The following C1orf21 variants were observed in gnomAD, a reference collection of about 807,000 sequenced individuals.
C1orf21 encodes chromosome 1 open reading frame 21, also known as uncharacterized protein C1orf21.
A neutral mutation model predicts 18.7 loss-of-function variants in C1orf21; 3 were observed. The observed-to-expected ratio is 0.16, with a 90% CI of 0.07 to 0.42. The LOEUF is 0.42. Among genes scored for constraint, C1orf21 ranks in the 10% least tolerant of loss-of-function variants. The probability of loss-of-function intolerance (pLI) is 0.99; values close to 1 mark genes in which losing one functional copy is unlikely to be tolerated. For synonymous variants in C1orf21, 41 were observed against 46.4 expected (o/e 0.88, Z 0.47); for missense variants, 104 against 143.6 (o/e 0.72, Z 1.41).
intron 1 of C1orf21, among the ~76,000 whole-genome samples, chr1:184,422,656 A>C (rs1335042496): frequency 6.6e-6 from 1 of 152,200 alleles, no homozygotes; most frequent in Non-Finnish European, 1.5e-5. Context: ...TCAGCACACT[A>C]TTCAGCATGC....
chr1:184,496,478 C>T (rs893518231), intron 2 of C1orf21, among the ~76,000 whole-genome samples: 11 of 152,298 alleles, frequency 7.2e-5, no homozygotes, highest in African/African-American at 1.9e-4. Flanking sequence ...CCAGTGGGAG[C>T]GGTGGAGAGT....
rs148840894 is a variant in C1orf21, at chr1:184,403,244, A to G, written c.-125+15876A>G. ...TGAATAAAGAAATTGTGGTACATTC[A>G]TATGAAACAATAGTAAGAGTAACCT... On this transcript the variant is annotated intron_variant, in intron 1 of 5. Transcript: ENST00000235307. Among the ~76,000 whole-genome samples, 708 of 152,380 alleles carry G rather than the reference A, an allele frequency of 4.6e-3. 8 individuals carry two copies. The highest frequency in any genetic ancestry group is 0.016 in the African/African-American group (686 of 41,588).
intron 1 of C1orf21, among the ~76,000 whole-genome samples, chr1:184,391,094 G>T (rs1416929001): frequency 6.6e-6 from 1 of 152,094 alleles, no homozygotes; most frequent in African/African-American, 2.4e-5. Flanking sequence ...GACTGTCTCG[G>T]TTCTGAAGTT....
intron 3 of C1orf21, among the ~76,000 whole-genome samples, chr1:184,534,896 T>A (rs1339564): frequency 0.52 from 79,504 of 151,594 alleles, 21,248 homozygotes; most frequent in African/African-American, 0.65. Flanking sequence ...GGCAGAGAGT[T>A]CAGAAGGGTG....
At chr1:184,574,689 C>A (rs1049012405) in intron 3 of C1orf21, among the ~76,000 whole-genome samples, 2 of 152,136 alleles carry the variant, frequency 1.3e-5, no homozygotes, top group African/African-American at 4.8e-5. Context: ...ACTTGACTAG[C>A]AGGACCTAGG....
intron 3 of C1orf21, among the ~76,000 whole-genome samples, chr1:184,528,624 T>C (rs1048089039): frequency 2.0e-5 from 3 of 152,120 alleles, no homozygotes; most frequent in African/African-American, 4.8e-5. Flanking sequence ...TTTGTATTTT[T>C]AGTAGAGACA....
chr1:184,596,885 A>AAAAAAAG (rs1659522305), intron 4 of C1orf21, among the ~76,000 whole-genome samples: 1 of 148,886 alleles, frequency 6.7e-6, no homozygotes, highest in Admixed American at 6.8e-5. Flanking sequence ...AAAAAAAAAA[A>AAAAAAAG]AAAGAAAGAA....
intron 3 of C1orf21, among the ~76,000 whole-genome samples, chr1:184,551,116 A>G (rs550040228): frequency 3.9e-5 from 6 of 152,344 alleles, no homozygotes; most frequent in African/African-American, 1.4e-4. Flanking sequence ...ACAGACAGAC[A>G]GCATACAGAC....
At chr1:184,589,610 AAAG>A (rs1316965647) in intron 3 of C1orf21, among the ~76,000 whole-genome samples, 3 of 152,248 alleles carry the variant, frequency 2.0e-5, no homozygotes, top group African/African-American at 7.2e-5. Flanking sequence ...AGTATAAGGT[AAAG>A]AAGGTAAGAT....
At chr1:184,457,389 T>C (rs1018890434) in intron 1 of C1orf21, among the ~76,000 whole-genome samples, 15 of 152,128 alleles carry the variant, frequency 9.9e-5, no homozygotes, top group African/African-American at 3.6e-4. Flanking sequence ...GCAAACAAAA[T>C]GCTATGAGAA....
At chr1:184,394,932 T>G (rs1656027420) in intron 1 of C1orf21, among the ~76,000 whole-genome samples, 1 of 152,074 alleles carries the variant, frequency 6.6e-6, no homozygotes. Flanking sequence ...ACAGTCTAGA[T>G]GCGACTCCCA....
At chr1:184,604,687 C>T (rs1571298456) in intron 5 of C1orf21, among the ~76,000 whole-genome samples, 1 of 152,274 alleles carries the variant, frequency 6.6e-6, no homozygotes, top group South Asian at 2.1e-4. Context: ...CAAATGACTT[C>T]TTAATTGTCA....
rs897981557 is a variant in C1orf21, at chr1:184,394,958, C to T, written c.-125+7590C>T. Among the ~76,000 whole-genome samples, 3 of 150,222 alleles carry T rather than the reference C, an allele frequency of 2.0e-5. No individual in the cohort carries two copies. The East Asian group carries it at 5.9e-4, about 30-fold the overall frequency. ...GCGACTCCCAAAACAAATTTTATGC[C>T]TCCCTTCCATGGCCTCCCCAACACC... On this transcript the variant is annotated intron_variant, in intron 1 of 5. Transcript: ENST00000235307.
intron 3 of C1orf21, among the ~76,000 whole-genome samples, chr1:184,586,492 C>A (rs1255802211): frequency 6.6e-6 from 1 of 151,938 alleles, no homozygotes; most frequent in Non-Finnish European, 1.5e-5. Flanking sequence ...ACCGTGTTAG[C>A]CAGGATGGTC....
chr1:184,429,550 C>T (rs1157394180), intron 1 of C1orf21, among the ~76,000 whole-genome samples: 6 of 152,068 alleles, frequency 3.9e-5, no homozygotes, highest in Admixed American at 3.9e-4. Context: ...TGCTTAGTCA[C>T]ATTTGGCACC....
intron 1 of C1orf21, among the ~76,000 whole-genome samples, chr1:184,438,335 G>A (rs993746345): frequency 5.3e-5 from 8 of 152,198 alleles, no homozygotes; most frequent in African/African-American, 9.7e-5. Flanking sequence ...GAATTTGAGA[G>A]TTAGAAGGGA....
At position 184,506,571 on chromosome 1, in the gene C1orf21, A is replaced by G. The variant is rs1658064525; in HGVS notation, c.95-1017A>G. Among the ~76,000 whole-genome samples the G allele has an allele frequency of 3.9e-5, 6 of 152,182 alleles. No homozygotes were observed. In the South Asian group the frequency reaches 1.2e-3, roughly 32 times the overall value. ...GGTTCCTATAGTTAGACATTACTTC[A>G]TGCTATATGCCAGACAATCGTTAGT... On this transcript the variant is annotated intron_variant, in intron 2 of 5. Transcript: ENST00000235307.
At chr1:184,436,616 A>G (rs146957193) in intron 1 of C1orf21, among the ~76,000 whole-genome samples, 24 of 152,302 alleles carry the variant, frequency 1.6e-4, no homozygotes, top group African/African-American at 5.8e-4. Flanking sequence ...CTCACTGAAT[A>G]GACTGAGAAG....
intron 3 of C1orf21, among the ~76,000 whole-genome samples, chr1:184,533,932 A>G (rs929585324): frequency 2.0e-5 from 3 of 152,296 alleles, no homozygotes; most frequent in East Asian, 1.9e-4. Flanking sequence ...ACTCAGACCT[A>G]TGGGGACAGA....
Sources: allele counts gnomAD v4.1 joint callset (sites outside exome capture counted in the v4.1 genomes callset), GRCh38; gene constraint gnomAD v4.1.1; transcripts MANE v1.5; gene names NCBI Gene and HGNC (gene_info 2026-07-23, HGNC 2026-07-21).